Variants in FAM222B observed in about 807,000 individuals in gnomAD.
FAM222B encodes the protein protein FAM222B.
FAM222B carries 12 observed loss-of-function variants against 38.0 expected under a neutral mutation model. That is an observed-to-expected ratio of 0.32 (90% confidence interval 0.20 to 0.51). The LOEUF (loss-of-function observed/expected upper bound fraction) is 0.51. Ranked by LOEUF, FAM222B falls within the 20% of genes least tolerant of loss-of-function variation. FAM222B has a pLI of 0.97. For missense variants in FAM222B, 716 were observed against 754.2 expected (o/e 0.95, Z 0.59); for synonymous variants, 329 against 317.2 (o/e 1.04, Z -0.40).
intron 1 of FAM222B, among the ~76,000 whole-genome samples, chr17:28,807,439 G>A (rs1374781200): frequency 2.0e-5 from 3 of 152,122 alleles, no homozygotes; most frequent in Admixed American, 6.6e-5. Flanking sequence ...AGGCTGGAGT[G>A]CAGTCCAACG....
At chr17:28,835,364 C>A (rs1366650102) in intron 1 of FAM222B, among the ~76,000 whole-genome samples, 1 of 151,930 alleles carries the variant, frequency 6.6e-6, no homozygotes, top group Admixed American at 6.6e-5. Flanking sequence ...ATGATTTTGT[C>A]ATTTATATTT....
intron 1 of FAM222B, among the ~76,000 whole-genome samples, chr17:28,830,196 C>G (rs1305284340): frequency 7.5e-6 from 1 of 132,710 alleles, no homozygotes; most frequent in Non-Finnish European, 1.5e-5. Flanking sequence ...GTGTCTCACT[C>G]TGTTGCCCAG....
intron 1 of FAM222B, among the ~76,000 whole-genome samples, chr17:28,788,392 T>C (rs983823926): frequency 4.6e-5 from 7 of 152,078 alleles, no homozygotes; most frequent in Admixed American, 1.3e-4. Context: ...GTGCACACCA[T>C]TGCATGTGGC....
At chr17:28,853,719 G>A (rs2039200501) in intron 1 of FAM222B, among the ~76,000 whole-genome samples, 1 of 152,070 alleles carries the variant, frequency 6.6e-6, no homozygotes, top group South Asian at 2.1e-4. Flanking sequence ...GCTTGCTAGT[G>A]GATGCTTTAT....
At chr17:28,770,369 CT>C (rs2035566225) in intron 1 of FAM222B, among the ~76,000 whole-genome samples, 1 of 152,190 alleles carries the variant, frequency 6.6e-6, no homozygotes, top group Non-Finnish European at 1.5e-5. Context: ...CTAGATTTGA[CT>C]TTTCCCAAAG....
At chr17:28,837,638 TTC>T (rs970641797) in intron 1 of FAM222B, among the ~76,000 whole-genome samples, 2 of 151,690 alleles carry the variant, frequency 1.3e-5, no homozygotes, top group Non-Finnish European at 2.9e-5. Flanking sequence ...TATTAAATAC[TTC>T]TTTTTGTTTT....
chr17:28,852,192 A>C (rs1598071509), intron 1 of FAM222B, among the ~76,000 whole-genome samples: 2 of 151,758 alleles, frequency 1.3e-5, no homozygotes, highest in South Asian at 2.1e-4. Flanking sequence ...ACAGTAAAAC[A>C]CCGTCTCTAC....
At chr17:28,782,639 T>C (rs984333565) in intron 1 of FAM222B, among the ~76,000 whole-genome samples, 3 of 152,178 alleles carry the variant, frequency 2.0e-5, no homozygotes, top group African/African-American at 7.2e-5. Context: ...TTTTAAAAAT[T>C]ATATGCACAC....
At position 28,758,828 on chromosome 17, in the gene FAM222B, G is replaced by A; in HGVS notation, c.1131C>T (p.Cys377=). ...GGGCTGGCGTCCCACTAGCCTCGCT[G>A]CACATCTGCTGTAGGTGGGCCAGCT... ...QHQLAHLQQM[C]SEASGTPAPG... is the part of the protein sequence containing the mutation. The change falls in exon 3 of 3, where the codon TGC becomes TGT. Residue 377 remains cysteine (C), a synonymous_variant. Transcript: ENST00000581407. 1 of 1,596,082 alleles carries A rather than the reference G, an allele frequency of 6.3e-7. No homozygotes were observed. Among genetic ancestry groups the A allele is most frequent in the South Asian group, 1.1e-5 (1 of 88,198 alleles).
chr17:28,830,224 C>T (rs1405915787), intron 1 of FAM222B, among the ~76,000 whole-genome samples: 3 of 147,066 alleles, frequency 2.0e-5, no homozygotes, highest in Non-Finnish European at 3.0e-5. Context: ...TGCAGTGGCG[C>T]GATCTTGGCT....
At chr17:28,806,292 G>A (rs898211486) in intron 1 of FAM222B, among the ~76,000 whole-genome samples, 1 of 151,876 alleles carries the variant, frequency 6.6e-6, no homozygotes, top group African/African-American at 2.4e-5. Context: ...CCACTTTTTG[G>A]TCTCTGTGAA....
At chr17:28,780,527 A>G (rs2036121891) in intron 1 of FAM222B, among the ~76,000 whole-genome samples, 1 of 152,146 alleles carries the variant, frequency 6.6e-6, no homozygotes, top group Non-Finnish European at 1.5e-5. Context: ...ACTACCAAAA[A>G]AAAAAGGCTT....
intron 1 of FAM222B, among the ~76,000 whole-genome samples, chr17:28,821,186 C>T (rs1321534760): frequency 6.6e-6 from 1 of 152,070 alleles, no homozygotes; most frequent in Non-Finnish European, 1.5e-5. Context: ...GATCTCTTGA[C>T]CTCGTGATCC....
chr17:28,842,179 T>C (rs2039063182), intron 1 of FAM222B, among the ~76,000 whole-genome samples: 1 of 152,116 alleles, frequency 6.6e-6, no homozygotes, highest in African/African-American at 2.4e-5. Flanking sequence ...TTATCAATGG[T>C]GGACTTCCTT....
In FAM222B at chr17:28,758,243, G is replaced by GA; in HGVS notation, c.*26_*27insT. The GA allele has an allele frequency of 1.3e-6, 2 of 1,519,590 alleles. No individual in the cohort carries two copies. Among genetic ancestry groups the GA allele is most frequent in the Middle Eastern group, 1.8e-4 (1 of 5,606 alleles). The allele number at this position is 1,519,590 out of a possible 1,614,324, so 94.1% of individuals were successfully genotyped here. On this transcript the variant is annotated 3_prime_UTR_variant, in exon 3 of 3. Coordinates refer to ENST00000581407, the MANE Select transcript of FAM222B (RefSeq NM_001077498.3). ...AACCTAGGAGGGTGATGTATGATGTGTTGCACGTGGAGGGCAGCAGGGCTA... is the reference window on the plus strand; with the variant it reads ...AACCTAGGAGGGTGATGTATGATGTGATTGCACGTGGAGGGCAGCAGGGCTA...
chr17:28,802,785 C>T (rs2037299162), intron 1 of FAM222B: 1 of 154,328 alleles, frequency 6.5e-6, no homozygotes, highest in African/African-American at 2.4e-5. Context: ...CCTGTTACCA[C>T]TTTCAAAATC....
At chr17:28,828,485 G>C (rs748962862) in intron 1 of FAM222B, among the ~76,000 whole-genome samples, 1 of 151,194 alleles carries the variant, frequency 6.6e-6, no homozygotes, top group Non-Finnish European at 1.5e-5. Context: ...TGGGAGGATC[G>C]CTTGAGCCCA....
chr17:28,781,013 A>G (rs1204760584), intron 1 of FAM222B, among the ~76,000 whole-genome samples: 1 of 152,242 alleles, frequency 6.6e-6, no homozygotes, highest in East Asian at 1.9e-4. Context: ...CAACAGCAAC[A>G]AAACAACCCA....
chr17:28,848,384 G>A (rs2039159645), intron 1 of FAM222B, among the ~76,000 whole-genome samples: 1 of 152,014 alleles, frequency 6.6e-6, no homozygotes, highest in Non-Finnish European at 1.5e-5. Context: ...TTGCAGTAGG[G>A]GTGTTTCTAT....
Sources: gnomAD v4.1 joint callset for allele counts (sites outside exome capture counted in the v4.1 genomes callset) on GRCh38, gnomAD v4.1.1 for gene constraint, MANE v1.5 for transcripts, NCBI Gene and HGNC (gene_info 2026-07-23, HGNC 2026-07-21) for gene names.